The following RAB33B variants were observed in gnomAD, a reference collection of about 807,000 sequenced individuals.
RAB33B encodes the protein ras-related protein Rab-33B.
A neutral mutation model predicts 15.0 loss-of-function variants in RAB33B; 6 were observed. The observed-to-expected ratio is 0.40, with a 90% confidence interval of 0.22 to 0.79. The LOEUF is 0.79. Ranked by LOEUF, RAB33B falls within the 30% of genes least tolerant of loss-of-function variation. The pLI is 0.37. For missense variants in RAB33B, 257 were observed against 296.4 expected (o/e 0.87, Z 0.98); for synonymous variants, 117 against 108.3 (o/e 1.08, Z -0.50).
intron 1 of RAB33B, among the ~76,000 whole-genome samples, chr4:139,456,491 T>G (rs1750069412): frequency 6.6e-6 from 1 of 150,908 alleles, no homozygotes; most frequent in African/African-American, 2.5e-5. Context: ...ACCTAACTAC[T>G]GAGGTGAGTG....
At chr4:139,464,397 T>TTTG (rs1750238357) in intron 1 of RAB33B, among the ~76,000 whole-genome samples, 2 of 147,784 alleles carry the variant, frequency 1.4e-5, no homozygotes, top group South Asian at 4.3e-4. Flanking sequence ...TTTTTTTTTT[T>TTTG]TTTTTTTTTT....
chr4:139,462,028 T>C (rs1750182702), intron 1 of RAB33B, among the ~76,000 whole-genome samples: 1 of 151,604 alleles, frequency 6.6e-6, no homozygotes, highest in African/African-American at 2.4e-5. Context: ...ATACTAATAG[T>C]AGATTCTTGT....
chr4:139,445,935 G>T, the RAB33B span, among the ~76,000 whole-genome samples: 1 of 152,120 alleles, frequency 6.6e-6, no homozygotes, highest in African/African-American at 2.4e-5. Flanking sequence ...GACAGCTTTT[G>T]GCCTGTTACT....
At position 139,472,961 on chromosome 4, in the gene RAB33B, T is replaced by G. The variant is rs1750418923; in HGVS notation, c.525T>G (p.Phe175Leu). The change falls in exon 2 of 2, where the codon TTT (phenylalanine) becomes TTG (leucine). Residue 175 changes from phenylalanine (F) to leucine (L), a missense_variant. Physicochemically the swap from Phe to Leu is conservative, Grantham distance 22 (BLOSUM62 0). Transcript: ENST00000305626. ...KFADTHSMPL[F>L]ETSAKNPNDN... ...CTGACACACACAGTATGCCTTTGTT[T>G]GAAACGTCTGCTAAAAACCCCAATG... 1.2e-6 allele frequency: 2 copies of G among 1,614,202 alleles called. No individual in the cohort carries two copies. The highest frequency in any genetic ancestry group is 1.7e-6 in the Non-Finnish European group (2 of 1,180,034).
intron 1 of RAB33B, among the ~76,000 whole-genome samples, chr4:139,456,643 A>G (rs1750071874): frequency 6.6e-6 from 1 of 152,202 alleles, no homozygotes; most frequent in Non-Finnish European, 1.5e-5. Context: ...TGTTACATTG[A>G]TATGGACTTG....
At chr4:139,446,077 A>T in the RAB33B span, among the ~76,000 whole-genome samples, 4 of 152,080 alleles carry the variant, frequency 2.6e-5, no homozygotes, top group East Asian at 7.7e-4. Context: ...GCATTCCATC[A>T]TCAAATGGAA....
upstream of RAB33B, chr4:139,453,112 T>C (rs1171293482): frequency 6.6e-6 from 1 of 152,206 alleles, no homozygotes; most frequent in Non-Finnish European, 1.5e-5. Flanking sequence ...AGTTAATCTT[T>C]AACCGCTACA....
chr4:139,473,135 C>T lies in RAB33B; in HGVS notation c.*9C>T, dbSNP rs1414951431. 2 of 1,573,980 alleles carry T rather than the reference C, an allele frequency of 1.3e-6. No individual in the cohort carries two copies. Among genetic ancestry groups the T allele is most frequent in the Admixed American group, 1.9e-5 (1 of 51,960 alleles). On this transcript the variant is annotated 3_prime_UTR_variant, in exon 2 of 2. Coordinates refer to ENST00000305626, the MANE Select transcript of RAB33B (RefSeq NM_031296.3). ...TGACGTGCTGGTGCTAAATAACAGT[C>T]TTTATTATATTATCTAATTTTGACT...
chr4:139,470,691 G>A (rs1235512610), intron 1 of RAB33B, among the ~76,000 whole-genome samples: 1 of 152,224 alleles, frequency 6.6e-6, no homozygotes, highest in East Asian at 1.9e-4. Context: ...GACTGTCAAT[G>A]TAGTGCCTGG....
chr4:139,442,112 T>C, the RAB33B span, among the ~76,000 whole-genome samples: 1 of 152,206 alleles, frequency 6.6e-6, no homozygotes, highest in East Asian at 1.9e-4. Flanking sequence ...ATGAATTTCC[T>C]TTTATCTTTT....
chr4:139,439,083 G>A, the RAB33B span, among the ~76,000 whole-genome samples: 1 of 152,092 alleles, frequency 6.6e-6, no homozygotes, highest in Admixed American at 6.5e-5. Context: ...CGCAATCTTA[G>A]CTCACTGCAA....
rs760496697 is a variant in RAB33B at position 139,454,165 on chromosome 4, C to T, written c.-31C>T. On this transcript the variant is annotated 5_prime_UTR_variant, in exon 1 of 2. Transcript: ENST00000305626. ...CTCTCAGCCTTTCTGTGTCTCCTTT[C>T]CTCCGCCTCAGTTTGGGGCGGGTCG... The T allele has an allele frequency of 1.9e-6, 3 of 1,588,168 alleles. No homozygotes were observed. Among genetic ancestry groups the T allele is most frequent in the Non-Finnish European group, 2.6e-6 (3 of 1,166,272 alleles).
intron 1 of RAB33B, among the ~76,000 whole-genome samples, chr4:139,465,348 ACT>A (rs1305066266): frequency 6.6e-6 from 1 of 151,966 alleles, no homozygotes; most frequent in Non-Finnish European, 1.5e-5. Context: ...TTGCCTGTTC[ACT>A]CTGATGGTAG....
At chr4:139,446,677 G>C in the RAB33B span, among the ~76,000 whole-genome samples, 1 of 152,214 alleles carries the variant, frequency 6.6e-6, no homozygotes, top group Non-Finnish European at 1.5e-5. Context: ...AATAGGATGA[G>C]CCCTTCTGTG....
Position 139,476,347 on chromosome 4 carries a change from G to C in RAB33B, c.*3221G>C, listed in dbSNP as rs569466319. On this transcript the variant is annotated 3_prime_UTR_variant, in exon 2 of 2. Transcript: ENST00000305626. ...ACACCATAGGATTAGGGATGTGGGG[G>C]CCTCTGATGTTGATTCTGCTTCCCC... 1 of 152,306 alleles carries C rather than the reference G, an allele frequency of 6.6e-6. No homozygotes were observed. The highest frequency in any genetic ancestry group is 1.9e-4 in the East Asian group (1 of 5,188). The allele number at this position is 152,306 out of a possible 1,614,324, so 9.4% of individuals were successfully genotyped here.
chr4:139,468,388 TAAC>T (rs1339688319), intron 1 of RAB33B, among the ~76,000 whole-genome samples: 1 of 152,228 alleles, frequency 6.6e-6, no homozygotes, highest in Non-Finnish European at 1.5e-5. Flanking sequence ...TATCACCTGA[TAAC>T]AAGTTAACAC....
the RAB33B span, among the ~76,000 whole-genome samples, chr4:139,440,371 G>A: frequency 2.9e-3 from 445 of 152,308 alleles, 1 homozygote; most frequent in African/African-American, 9.6e-3. Context: ...TCAACCAGAA[G>A]GTGAGGGGCT....
intron 1 of RAB33B, among the ~76,000 whole-genome samples, chr4:139,470,428 TG>T (rs780476534): frequency 5.9e-4 from 90 of 152,296 alleles, no homozygotes; most frequent in South Asian, 1.2e-3. Flanking sequence ...CTGCCTGGCC[TG>T]GGCCTCACCC....
the RAB33B span, among the ~76,000 whole-genome samples, chr4:139,445,247 C>T: frequency 6.6e-6 from 1 of 152,216 alleles, no homozygotes; most frequent in African/African-American, 2.4e-5. Flanking sequence ...GCTGGCAAGG[C>T]CAGCAATATA....
Sources: allele counts gnomAD v4.1 joint callset (sites outside exome capture counted in the v4.1 genomes callset), GRCh38; gene constraint gnomAD v4.1.1; transcripts MANE v1.5; gene names NCBI Gene and HGNC (gene_info 2026-07-23, HGNC 2026-07-21).